Variants in LRGUK observed in about 807,000 individuals in gnomAD.
The protein encoded by LRGUK is leucine rich repeats and guanylate kinase domain containing, also known as leucine-rich repeat and guanylate kinase domain-containing protein.
LRGUK carries 65 observed loss-of-function variants against 76.0 expected under a neutral mutation model. The observed-to-expected ratio is 0.85, with a 90% CI of 0.70 to 1.05. The LOEUF (loss-of-function observed/expected upper bound fraction) is 1.05, where lower values mean the gene tolerates loss of function less well. Among genes scored for constraint, LRGUK ranks in the 50% least tolerant of loss-of-function variants. The pLI is 0.00. For missense variants in LRGUK, 758 were observed against 732.8 expected, an observed-to-expected ratio of 1.03 and a Z score of -0.40; for synonymous variants, 268 against 265.6, an observed-to-expected ratio of 1.01 and a Z score of -0.09.
rs1390031546 is a variant in LRGUK at position 134,134,566 on chromosome 7, C to G, written c.298-2457C>G. Among the ~76,000 whole-genome samples the G allele has an allele frequency of 2.6e-5, 4 of 152,148 alleles. No homozygotes were observed. In the East Asian group the frequency reaches 7.7e-4, roughly 29 times the overall value. On this transcript the variant is annotated intron_variant, in intron 1 of 15. Coordinates refer to ENST00000645682, the Ensembl canonical transcript of LRGUK. ...CCAAGGAAAAATGGGGACAGCGTGG[C>G]TCATCTCCATGTCAATGGCTAAGTT...
intron 16 of LRGUK, among the ~76,000 whole-genome samples, chr7:134,229,218 C>T (rs2051089143): frequency 6.6e-6 from 1 of 152,016 alleles, no homozygotes; most frequent in African/African-American, 2.4e-5. Flanking sequence ...CAAAAATTAG[C>T]CAGGCATAGT....
chr7:134,209,908 C>T, exon 16 of LRGUK: 1 of 399,224 alleles, frequency 2.5e-6, no homozygotes, highest in African/African-American at 2.1e-5. Flanking sequence ...GGCTCCCTCG[C>T]ATTCCTGCTC....
chr7:134,234,811 T>A (rs1801977738), intron 16 of LRGUK, among the ~76,000 whole-genome samples: 1 of 151,974 alleles, frequency 6.6e-6, no homozygotes, highest in African/African-American at 2.4e-5. Flanking sequence ...TATTTCCCTA[T>A]CTACACTCAC....
chr7:134,243,221 A>G (rs13308241), intron 16 of LRGUK, among the ~76,000 whole-genome samples: 10,986 of 152,194 alleles, frequency 0.072, 972 homozygotes, highest in African/African-American at 0.2. Context: ...AGGCAGGAGA[A>G]AGAAATAAAA....
intron 5 of LRGUK, among the ~76,000 whole-genome samples, chr7:134,152,381 G>C (rs901468818): frequency 1.6e-4 from 24 of 151,966 alleles, no homozygotes; most frequent in African/African-American, 5.6e-4. Flanking sequence ...CCTAACTAAA[G>C]AGAAATATAT....
intron 16 of LRGUK, 32 bp downstream of exon 16, chr7:134,221,950 A>T: frequency 6.4e-7 from 1 of 1,554,032 alleles, no homozygotes. Flanking sequence ...TGAAGCCACA[A>T]CTGAGCTCTA....
intron 1 of LRGUK, among the ~76,000 whole-genome samples, chr7:134,128,457 T>G (rs1343986497): frequency 6.6e-6 from 1 of 152,268 alleles, no homozygotes; most frequent in Non-Finnish European, 1.5e-5. Context: ...TGTTGTCTTC[T>G]TGTCCTTTTC....
At chr7:134,162,555 A>T (rs556836392) in intron 6 of LRGUK, among the ~76,000 whole-genome samples, 50 of 152,232 alleles carry the variant, frequency 3.3e-4, no homozygotes, top group South Asian at 2.1e-3. Flanking sequence ...GGCCAGGTGC[A>T]GTGGCTCACG....
downstream of LRGUK, among the ~76,000 whole-genome samples, chr7:134,212,476 CTA>C (rs2117132769): frequency 6.6e-6 from 1 of 152,290 alleles, no homozygotes; most frequent in East Asian, 1.9e-4. Context: ...GTCTATGAAA[CTA>C]TGAATTTCAA....
rs148543651 is a variant in LRGUK at position 134,179,146 on chromosome 7, A to G, written c.1214+537A>G. 2.8e-4 allele frequency among the ~76,000 whole-genome samples: 43 copies of G among 152,300 alleles called. 1 individual carries two copies. Among genetic ancestry groups the G allele is most frequent in the African/African-American group, 8.7e-4 (36 of 41,572 alleles). The stretch of plus-strand genomic sequence containing the variant: ...CCAGCTAGCCTAAGGAAAACCTGAA[A>G]CAGTCTTTGCACTAAGCTGCGATAA... On this transcript the variant is annotated intron_variant, in intron 10 of 15. Coordinates refer to ENST00000645682, the Ensembl canonical transcript of LRGUK.
intron 16 of LRGUK, among the ~76,000 whole-genome samples, chr7:134,240,168 C>G (rs533503832): frequency 6.6e-6 from 1 of 152,210 alleles, no homozygotes; most frequent in Non-Finnish European, 1.5e-5. Flanking sequence ...GAACGCAGCT[C>G]CTTGCCAGCA....
chr7:134,204,070 G>C (rs191491725), intron 15 of LRGUK, among the ~76,000 whole-genome samples: 5 of 152,122 alleles, frequency 3.3e-5, no homozygotes, highest in African/African-American at 4.8e-5. Context: ...TGTGGGTTTG[G>C]ATAAACATGA....
At chr7:134,134,049 G>A (rs1380954864) in intron 1 of LRGUK, among the ~76,000 whole-genome samples, 2 of 150,176 alleles carry the variant, frequency 1.3e-5, no homozygotes, top group Non-Finnish European at 3.0e-5. Flanking sequence ...GTGACAGAGC[G>A]AGACCATGCC....
intron 15 of LRGUK, among the ~76,000 whole-genome samples, chr7:134,205,378 C>T (rs1800959978): frequency 6.6e-6 from 1 of 152,152 alleles, no homozygotes; most frequent in African/African-American, 2.4e-5. Context: ...CTCATCAGCA[C>T]TCCCCAGGAA....
chr7:134,175,852 G>A (rs1015941840), intron 8 of LRGUK, among the ~76,000 whole-genome samples: 1 of 151,924 alleles, frequency 6.6e-6, no homozygotes, highest in Admixed American at 6.6e-5. Context: ...GGAGTAATAA[G>A]GAGTTTGTTT....
intron 5 of LRGUK, among the ~76,000 whole-genome samples, chr7:134,152,914 C>T (rs1798285227): frequency 6.6e-6 from 1 of 151,184 alleles, no homozygotes. Context: ...AATATATCTA[C>T]ATGCATGTAA....
At chr7:134,184,188 T>C (rs908111247) in intron 11 of LRGUK, among the ~76,000 whole-genome samples, 1 of 152,096 alleles carries the variant, frequency 6.6e-6, no homozygotes, top group Admixed American at 6.5e-5. Context: ...CTAATCGATA[T>C]GGTAAAGATG....
intron 15 of LRGUK, among the ~76,000 whole-genome samples, chr7:134,201,860 T>G (rs1289985649): frequency 6.6e-6 from 1 of 152,180 alleles, no homozygotes; most frequent in Non-Finnish European, 1.5e-5. Flanking sequence ...AACCTCATGG[T>G]TCAGAACTCA....
chr7:134,236,905 T>C (rs1225969225), intron 16 of LRGUK, among the ~76,000 whole-genome samples: 1 of 152,182 alleles, frequency 6.6e-6, no homozygotes, highest in Non-Finnish European at 1.5e-5. Context: ...CCTAGTTCAA[T>C]TAATATGCTG....
Sources: allele counts gnomAD v4.1 joint callset (sites outside exome capture counted in the v4.1 genomes callset), GRCh38; gene constraint gnomAD v4.1.1; transcripts MANE v1.5; gene names NCBI Gene and HGNC (gene_info 2026-07-23, HGNC 2026-07-21).